Variants in ZC3H12C observed in about 807,000 individuals in gnomAD.
ZC3H12C encodes zinc finger CCCH-type containing 12C.
A neutral mutation model predicts 76.3 loss-of-function variants in ZC3H12C; 20 were observed. The ratio of observed to expected loss-of-function variants is 0.26; its 90% CI spans 0.18 to 0.38. The LOEUF (loss-of-function observed/expected upper bound fraction) is 0.38. Among genes scored for constraint, ZC3H12C ranks in the 10% least tolerant of loss-of-function variants. The probability of loss-of-function intolerance (pLI) is 1.00; values close to 1 mark genes in which losing one functional copy is unlikely to be tolerated. For missense variants in ZC3H12C, 874 were observed against 1,086.5 expected, an observed-to-expected ratio of 0.80 and a Z score of 2.75; for synonymous variants, 352 against 399.6, an observed-to-expected ratio of 0.88 and a Z score of 1.42.
At chr11:110,094,586 G>A (rs1565243564) in intron 1 of ZC3H12C, among the ~76,000 whole-genome samples, 1 of 152,232 alleles carries the variant, frequency 6.6e-6, no homozygotes, top group Non-Finnish European at 1.5e-5. Flanking sequence ...GATTTAGAGG[G>A]TATGACTTCC....
In ZC3H12C at chr11:110,168,452, G is replaced by A. The variant is rs1001395441; in HGVS notation, c.*2715G>A. 6.6e-6 allele frequency: 1 copy of A among 152,048 alleles called. No individual in the cohort carries two copies. The highest frequency in any genetic ancestry group is 1.5e-5 in the Non-Finnish European group (1 of 67,970). 9.4% of individuals were successfully genotyped at this position (152,048 alleles called of 1,614,324 possible). On this transcript the variant is annotated 3_prime_UTR_variant, in exon 6 of 6. Coordinates refer to ENST00000278590, the MANE Select transcript of ZC3H12C (RefSeq NM_033390.2). ...AGTCCATCATTAAATTAAATCCATA[G>A]CTGATCACAAGCCTTCATTTTAGCC...
intron 2 of ZC3H12C, among the ~76,000 whole-genome samples, chr11:110,139,906 T>C (rs1180841829): frequency 1.3e-5 from 2 of 151,276 alleles, no homozygotes; most frequent in Non-Finnish European, 2.9e-5. Context: ...TCTCGCTTTG[T>C]CACTCAGGCT....
intron 2 of ZC3H12C, among the ~76,000 whole-genome samples, chr11:110,145,337 G>GA (rs954605323): frequency 4.6e-5 from 7 of 152,154 alleles, no homozygotes; most frequent in African/African-American, 1.4e-4. Flanking sequence ...TGAATTTACA[G>GA]AAAAATGAAA....
chr11:110,141,342 CA>C (rs1350279534), intron 2 of ZC3H12C, among the ~76,000 whole-genome samples: 2 of 152,160 alleles, frequency 1.3e-5, no homozygotes, highest in Non-Finnish European at 2.9e-5. Flanking sequence ...CAGAGTTTAG[CA>C]ATCTGTACAA....
chr11:110,131,083 A>G (rs1171719907), intron 1 of ZC3H12C: 22 of 1,534,670 alleles, frequency 1.4e-5, no homozygotes, highest in Admixed American at 9.8e-5. Context: ...ACAGAAACCA[A>G]TGTCTTTGTA....
chr11:110,133,417 C>G (rs1361985701), intron 1 of ZC3H12C, among the ~76,000 whole-genome samples: 1 of 152,076 alleles, frequency 6.6e-6, no homozygotes, highest in Non-Finnish European at 1.5e-5. Context: ...CTTCTCTGAG[C>G]TAACCAATGA....
At chr11:110,143,748 C>G (rs1000420646) in intron 2 of ZC3H12C, among the ~76,000 whole-genome samples, 3 of 152,068 alleles carry the variant, frequency 2.0e-5, no homozygotes, top group African/African-American at 7.2e-5. Flanking sequence ...GGTTGAACTC[C>G]TGGGCTCAAG....
chr11:110,153,313 G>A (rs889160530), intron 3 of ZC3H12C, among the ~76,000 whole-genome samples: 4 of 152,098 alleles, frequency 2.6e-5, no homozygotes, highest in Admixed American at 6.5e-5. Flanking sequence ...TCAGCCTGCC[G>A]AGTAGCTGGG....
intron 4 of ZC3H12C, among the ~76,000 whole-genome samples, chr11:110,162,793 G>A (rs1171076892): frequency 6.6e-6 from 1 of 152,156 alleles, no homozygotes; most frequent in East Asian, 1.9e-4. Context: ...TCATGGTTAG[G>A]ATGCCATGGT....
At position 110,169,407 on chromosome 11, in the gene ZC3H12C, C is replaced by T. The variant is rs1009701356; in HGVS notation, c.*3670C>T. 6.7e-6 allele frequency: 1 copy of T among 150,366 alleles called. No homozygotes were observed. The highest frequency in any genetic ancestry group is 2.5e-5 in the African/African-American group (1 of 40,608). 9.3% of individuals were successfully genotyped at this position (150,366 alleles called of 1,614,324 possible). On this transcript the variant is annotated 3_prime_UTR_variant, in exon 6 of 6. Transcript: ENST00000278590. ...TTTGAAAACTCTCAAGCTGTTTTCC[C>T]TCTGATTTACAATGGTATTTACTTT... is the stretch of plus-strand genomic sequence containing the variant.
intron 4 of ZC3H12C, among the ~76,000 whole-genome samples, chr11:110,162,175 C>A (rs12275300): frequency 0.023 from 3,475 of 152,178 alleles, 130 homozygotes; most frequent in African/African-American, 0.08. Context: ...TATTAAGAAA[C>A]ATGGGAAAGT....
At chr11:110,159,582 TC>T in intron 4 of ZC3H12C, 92 bp downstream of exon 4, 2 of 1,096,744 alleles carry the variant, frequency 1.8e-6, no homozygotes, top group African/African-American at 1.6e-5. Context: ...TTTGCCACTG[TC>T]CAGACTTCAC....
At chr11:110,140,254 C>T (rs1159052780) in intron 2 of ZC3H12C, among the ~76,000 whole-genome samples, 1 of 152,090 alleles carries the variant, frequency 6.6e-6, no homozygotes, top group Non-Finnish European at 1.5e-5. Flanking sequence ...CACATCACTG[C>T]ACTCCAGCCT....
chr11:110,104,240 G>A (rs759035156), intron 1 of ZC3H12C, among the ~76,000 whole-genome samples: 1 of 151,952 alleles, frequency 6.6e-6, no homozygotes, highest in Non-Finnish European at 1.5e-5. Context: ...TGTATTTTTA[G>A]TAGAGACGAG....
chr11:110,137,394 T>C lies in ZC3H12C; in HGVS notation c.753T>C (p.Asp251=), dbSNP rs1444830155. 6.2e-7 allele frequency: 1 copy of C among 1,607,134 alleles called. No homozygotes were observed. Among genetic ancestry groups the C allele is most frequent in the East Asian group, 2.2e-5 (1 of 44,804 alleles). ...AAAATCTGAGACCAATAGTTATTGA[T>C]GGCAGCAATGTGGCAATGAGGTAAG... is the stretch of plus-strand genomic sequence containing the variant. The part of the protein sequence containing the change: ...DGENLRPIVI[D]GSNVAMSHGN... Residue 251 remains aspartate, a synonymous_variant, in exon 2 of 6, where the codon GAT becomes GAC. Transcript: ENST00000278590.
intron 1 of ZC3H12C, among the ~76,000 whole-genome samples, chr11:110,122,097 G>A (rs1367510682): frequency 6.6e-6 from 1 of 152,178 alleles, no homozygotes; most frequent in East Asian, 1.9e-4. Context: ...AACAAGACAT[G>A]CACGTATCCT....
chr11:110,139,062 C>T (rs1862022902), intron 2 of ZC3H12C, among the ~76,000 whole-genome samples: 1 of 152,154 alleles, frequency 6.6e-6, no homozygotes, highest in African/African-American at 2.4e-5. Flanking sequence ...AAGTAGTGTG[C>T]CTTCCATTAA....
intron 1 of ZC3H12C, among the ~76,000 whole-genome samples, chr11:110,111,015 A>G (rs1861418313): frequency 6.6e-6 from 1 of 152,188 alleles, no homozygotes; most frequent in South Asian, 2.1e-4. Flanking sequence ...TGGGAAGCAC[A>G]TACCAGGTTG....
intron 3 of ZC3H12C, among the ~76,000 whole-genome samples, chr11:110,156,627 T>C (rs1159703061): frequency 1.3e-5 from 2 of 152,196 alleles, no homozygotes; most frequent in African/African-American, 4.8e-5. Context: ...TACCATAGAT[T>C]ACTCATGAAC....
Sources: allele counts gnomAD v4.1 joint callset (sites outside exome capture counted in the v4.1 genomes callset), GRCh38; gene constraint gnomAD v4.1.1; transcripts MANE v1.5; gene names NCBI Gene and HGNC (gene_info 2026-07-23, HGNC 2026-07-21).